The following EPS15 variants were observed in gnomAD, a reference collection of about 807,000 sequenced individuals.
EPS15 encodes epidermal growth factor receptor pathway substrate 15.
A neutral mutation model predicts 113.8 loss-of-function variants in EPS15; 72 were observed. The ratio of observed to expected loss-of-function variants is 0.63; its 90% CI spans 0.52 to 0.77. The LOEUF (loss-of-function observed/expected upper bound fraction) is 0.77. EPS15 is among the 30% of genes least tolerant of loss of function. The probability of loss-of-function intolerance (pLI) is 0.00; values close to 1 mark genes in which losing one functional copy is unlikely to be tolerated. For synonymous variants in EPS15, 344 were observed against 363.4 expected (o/e 0.95, Z 0.61); for missense variants, 1,048 against 1,045.8 (o/e 1.00, Z -0.03).
chr1:51,360,813 T>C (rs752793439), intron 24 of EPS15, among the ~76,000 whole-genome samples: 2 of 152,130 alleles, frequency 1.3e-5, no homozygotes, highest in Non-Finnish European at 2.9e-5. Flanking sequence ...GCATTATTCA[T>C]CTAGTGGGCA....
At chr1:51,514,040 A>G (rs987508456) in intron 1 of EPS15, among the ~76,000 whole-genome samples, 9 of 152,210 alleles carry the variant, frequency 5.9e-5, no homozygotes, top group Non-Finnish European at 1.2e-4. Context: ...CCATGCTACT[A>G]TAAAATTTTA....
intron 1 of EPS15, among the ~76,000 whole-genome samples, chr1:51,493,221 C>T (rs1644267892): frequency 1.3e-5 from 2 of 152,098 alleles, no homozygotes; most frequent in Non-Finnish European, 2.9e-5. Context: ...ATTAGCCAGA[C>T]GTGGTGGTGG....
chr1:51,469,105 G>T (rs1340205503), intron 4 of EPS15, among the ~76,000 whole-genome samples: 1 of 151,818 alleles, frequency 6.6e-6, no homozygotes, highest in East Asian at 1.9e-4. Context: ...GCTCTAGCCT[G>T]GGTGACAGAG....
chr1:51,484,478 C>T (rs77905248), intron 1 of EPS15, among the ~76,000 whole-genome samples: 6,704 of 152,128 alleles, frequency 0.044, 228 homozygotes, highest in Middle Eastern at 0.11. Context: ...TATCAAAATA[C>T]ACTAAAACCA....
At chr1:51,399,269 G>C in intron 19 of EPS15, 104 bp from the exon 20 acceptor site, 1 of 1,102,806 alleles carries the variant, frequency 9.1e-7, no homozygotes, top group Non-Finnish European at 1.3e-6. Flanking sequence ...GACAGTCTGG[G>C]GCCAGGTGCA....
chr1:51,461,190 C>CA, intron 7 of EPS15, 40 bp from the exon 8 acceptor site: 1 of 1,401,126 alleles, frequency 7.1e-7, no homozygotes, highest in East Asian at 2.3e-5. Flanking sequence ...AATGTTCTTT[C>CA]AGTTCATGTT....
chr1:51,471,000 C>G (rs748529828), intron 4 of EPS15, among the ~76,000 whole-genome samples: 4 of 152,114 alleles, frequency 2.6e-5, no homozygotes, highest in Non-Finnish European at 4.4e-5. Flanking sequence ...AATCTAGCCC[C>G]GAAATCTTAA....
rs1347529830 is a variant in EPS15, at chr1:51,356,093, C to A, written c.*607G>T. ...TTAATATTTTTAGTTAGGAAAAGAT[C>A]GAATCTGAGGCTATAATGGTTCAAC... On this transcript the variant is annotated 3_prime_UTR_variant, in exon 25 of 25. Transcript: ENST00000371733. 3 of 203,920 alleles carry A rather than the reference C, an allele frequency of 1.5e-5. No individual in the cohort carries two copies. The highest frequency in any genetic ancestry group is 2.3e-5 in the African/African-American group (1 of 43,676). 12.6% of individuals were successfully genotyped at this position (203,920 alleles called of 1,614,324 possible). A position where few individuals can be genotyped will look rare whatever the true frequency, so the allele number is the denominator to read the frequency against.
At position 51,406,011 on chromosome 1, in the gene EPS15, G is replaced by T; in HGVS notation, c.1571C>A (p.Thr524Lys). 6.2e-7 allele frequency: 1 copy of T among 1,614,176 alleles called. No individual in the cohort carries two copies. The highest frequency in any genetic ancestry group is 8.5e-7 in the Non-Finnish European group (1 of 1,180,018). Residue 524 changes from threonine (T) to lysine (K), a missense_variant, in exon 16 of 25, where the codon ACA (threonine) becomes AAA (lysine). Transcript: ENST00000371733. ...GCTGGTGCTGAGGCTGCAATAATCT[G>T]TAGCTCCGTTTACAAGAATGCTGTG... ...SPHSILVNGATDYCSLSTSSS... is the reference protein window; with the variant it reads ...SPHSILVNGAKDYCSLSTSSS...
intron 24 of EPS15, 66 bp downstream of exon 24, chr1:51,361,105 C>T (rs948724284): frequency 8.0e-6 from 10 of 1,243,616 alleles, no homozygotes; most frequent in Non-Finnish European, 1.0e-5. Flanking sequence ...ACTTGGCAGA[C>T]TCCAAAATAA....
chr1:51,517,659 CA>C (rs1644748434), intron 1 of EPS15, among the ~76,000 whole-genome samples: 1 of 152,134 alleles, frequency 6.6e-6, no homozygotes, highest in African/African-American at 2.4e-5. Flanking sequence ...TGTAGTTGTT[CA>C]AATTTGAGTT....
chr1:51,486,866 C>T (rs985641970), intron 1 of EPS15, among the ~76,000 whole-genome samples: 2 of 151,944 alleles, frequency 1.3e-5, no homozygotes, highest in Non-Finnish European at 2.9e-5. Context: ...ACGGGGGCTT[C>T]ATCACGTTGG....
intron 4 of EPS15, among the ~76,000 whole-genome samples, chr1:51,471,000 C>T (rs748529828): frequency 7.2e-5 from 11 of 152,114 alleles, no homozygotes; most frequent in Non-Finnish European, 1.3e-4. Context: ...AATCTAGCCC[C>T]GAAATCTTAA....
intron 2 of EPS15, 87 bp from the exon 3 acceptor site, chr1:51,473,035 G>T: frequency 2.0e-6 from 2 of 1,005,842 alleles, no homozygotes; most frequent in Non-Finnish European, 1.6e-6. Flanking sequence ...CTGTGATTTG[G>T]GACCTGGCTT....
intron 7 of EPS15, 87 bp from the exon 8 acceptor site, chr1:51,461,237 G>T: frequency 1.0e-6 from 1 of 962,202 alleles, no homozygotes; most frequent in Non-Finnish European, 1.7e-6. Context: ...TATGAGCTAG[G>T]AATGGTGGCT....
rs765403749 is a variant in EPS15 at position 51,421,941 on chromosome 1, C to T, written c.1041-83G>A. The stretch of plus-strand genomic sequence containing the variant: ...GTTATCCATCCTCCTAATCCTGAAT[C>T]GCTTTTTAAATACATAGTGAAACAT... On this transcript the variant is annotated intron_variant, in intron 12 of 24. Transcript: ENST00000371733. The T allele has an allele frequency of 1.0e-5, 16 of 1,576,056 alleles. No individual in the cohort carries two copies. In the Admixed American group the frequency reaches 1.4e-4, roughly 14 times the overall value.
chr1:51,425,083 T>C (rs1336027505), intron 12 of EPS15, among the ~76,000 whole-genome samples: 5 of 152,130 alleles, frequency 3.3e-5, no homozygotes, highest in African/African-American at 1.2e-4. Flanking sequence ...ATTTTTAAGA[T>C]GCTTACACAT....
At chr1:51,426,075 A>C (rs1483397447) in intron 12 of EPS15, among the ~76,000 whole-genome samples, 1 of 152,072 alleles carries the variant, frequency 6.6e-6, no homozygotes, top group East Asian at 1.9e-4. Flanking sequence ...GATTTGGAGA[A>C]AAATAGGTTA....
intron 17 of EPS15, among the ~76,000 whole-genome samples, 173 bp from the exon 18 acceptor site, chr1:51,402,698 G>A (rs2148419595): frequency 6.6e-6 from 1 of 152,268 alleles, no homozygotes; most frequent in South Asian, 2.1e-4. Context: ...GCTGACGTGG[G>A]CAGATCACAA....
Sources: allele counts gnomAD v4.1 joint callset (sites outside exome capture counted in the v4.1 genomes callset), GRCh38; gene constraint gnomAD v4.1.1; transcripts MANE v1.5; gene names NCBI Gene and HGNC (gene_info 2026-07-23, HGNC 2026-07-21).